Variants in DENND1A observed in about 807,000 individuals in gnomAD.
DENND1A encodes DENN domain containing 1A.
A neutral mutation model predicts 113.7 loss-of-function variants in DENND1A; 51 were observed. The observed-to-expected ratio is 0.45, with a 90% CI of 0.36 to 0.57. The LOEUF (loss-of-function observed/expected upper bound fraction) is 0.57. Among genes scored for constraint, DENND1A ranks in the 20% least tolerant of loss-of-function variants. The pLI is 0.00. For missense variants in DENND1A, 1,258 were observed against 1,395.9 expected (o/e 0.90, Z 1.57); for synonymous variants, 565 against 570.8 (o/e 0.99, Z 0.14).
chr9:123,807,002 AAG>A (rs535137852), intron 2 of DENND1A, among the ~76,000 whole-genome samples: 41 of 152,252 alleles, frequency 2.7e-4, no homozygotes, highest in Non-Finnish European at 4.6e-4. Context: ...CAAAAATTGA[AAG>A]AGTGTTAATA....
At chr9:123,426,076 A>C (rs1398637684) in intron 19 of DENND1A, among the ~76,000 whole-genome samples, 1 of 152,210 alleles carries the variant, frequency 6.6e-6, no homozygotes, top group Non-Finnish European at 1.5e-5. Flanking sequence ...GGAGGATGGC[A>C]GGGAGCTCCA....
intron 13 of DENND1A, among the ~76,000 whole-genome samples, chr9:123,519,372 C>T (rs1033840732): frequency 1.3e-5 from 2 of 152,196 alleles, no homozygotes; most frequent in Admixed American, 6.5e-5. Context: ...TCATGCCTCC[C>T]TCCTCCTCCA....
chr9:123,395,813 C>A (rs144181048), intron 21 of DENND1A, among the ~76,000 whole-genome samples: 2,649 of 152,236 alleles, frequency 0.017, 82 homozygotes, highest in African/African-American at 0.059. Context: ...TTACCGGACG[C>A]CCCTACCCCG....
chr9:123,440,840 T>A (rs146683520), intron 18 of DENND1A, among the ~76,000 whole-genome samples: 3 of 152,258 alleles, frequency 2.0e-5, no homozygotes, highest in African/African-American at 7.2e-5. Flanking sequence ...AGCTCATGCA[T>A]AATTTTATAT....
intron 5 of DENND1A, among the ~76,000 whole-genome samples, chr9:123,709,874 T>C (rs975312771): frequency 2.6e-5 from 4 of 152,194 alleles, no homozygotes; most frequent in Non-Finnish European, 5.9e-5. Context: ...AAGAGGGGTA[T>C]TGGAAAGGAA....
At chr9:123,765,360 A>C (rs550717575) in intron 4 of DENND1A, among the ~76,000 whole-genome samples, 2 of 152,290 alleles carry the variant, frequency 1.3e-5, no homozygotes, top group African/African-American at 4.8e-5. Flanking sequence ...GATAATGGTA[A>C]CCTTACAAAT....
intron 10 of DENND1A, among the ~76,000 whole-genome samples, chr9:123,618,400 G>A (rs2060763939): frequency 1.3e-5 from 2 of 152,220 alleles, no homozygotes; most frequent in Admixed American, 6.5e-5. Context: ...TGAGGAATGT[G>A]TCACTCACGT....
At chr9:123,412,961 A>ACT (rs2044430579) in intron 19 of DENND1A, among the ~76,000 whole-genome samples, 1 of 152,216 alleles carries the variant, frequency 6.6e-6, no homozygotes, top group African/African-American at 2.4e-5. Flanking sequence ...AGGTGGGCGG[A>ACT]CCACCTGAGG....
chr9:123,834,411 A>G (rs1840744601), intron 2 of DENND1A, among the ~76,000 whole-genome samples: 1 of 152,232 alleles, frequency 6.6e-6, no homozygotes, highest in Admixed American at 6.5e-5. Context: ...ATTGAGGCTT[A>G]GAGACATCAA....
At chr9:123,829,650 C>T (rs1416568172) in intron 2 of DENND1A, among the ~76,000 whole-genome samples, 1 of 151,470 alleles carries the variant, frequency 6.6e-6, no homozygotes, top group East Asian at 1.9e-4. Context: ...GAAACAGGTA[C>T]AAAAAAAGAA....
chr9:123,886,187 GT>G (rs572500526), intron 1 of DENND1A, among the ~76,000 whole-genome samples: 9 of 147,096 alleles, frequency 6.1e-5, no homozygotes, highest in East Asian at 6.0e-4. Context: ...TTTTTGTTTT[GT>G]TTTTTTTTTC....
At chr9:123,522,082 T>C (rs200159096) in intron 13 of DENND1A, among the ~76,000 whole-genome samples, 1 of 152,186 alleles carries the variant, frequency 6.6e-6, no homozygotes, top group African/African-American at 2.4e-5. Context: ...AATGGTATGG[T>C]TGGCTTTAAA....
Position 123,600,043 on chromosome 9 carries a change from T to TCCC in DENND1A, c.765+9390_765+9392dup, listed in dbSNP as rs1168996945. Among the ~76,000 whole-genome samples, 4 of 152,234 alleles carry TCCC rather than the reference T, an allele frequency of 2.6e-5. No individual in the cohort carries two copies. The East Asian group carries it at 7.7e-4, about 29-fold the overall frequency. On this transcript the variant is annotated intron_variant, in intron 11 of 23. Transcript: ENST00000394215. Reference sequence around the variant, plus strand: ...ATCATCACACTGCTGGTCTCTGAGCTCCCACAATGGCCCCGCCCCTAATCA... The same window carrying TCCC: ...ATCATCACACTGCTGGTCTCTGAGCTCCCCCCACAATGGCCCCGCCCCTAATCA...
intron 7 of DENND1A, among the ~76,000 whole-genome samples, 167 bp from the exon 8 acceptor site, chr9:123,667,246 A>G (rs1486312859): frequency 6.6e-6 from 1 of 152,202 alleles, no homozygotes; most frequent in African/African-American, 2.4e-5. Flanking sequence ...GTCAGATTGA[A>G]CCAGATGCAT....
At chr9:123,556,165 A>G (rs948870013) in intron 13 of DENND1A, among the ~76,000 whole-genome samples, 2 of 152,252 alleles carry the variant, frequency 1.3e-5, no homozygotes, top group East Asian at 3.8e-4. Context: ...AATATGTCTC[A>G]GGAAGCAAAA....
intron 13 of DENND1A, among the ~76,000 whole-genome samples, chr9:123,550,795 T>C (rs1264591063): frequency 6.6e-6 from 1 of 152,198 alleles, no homozygotes; most frequent in South Asian, 2.1e-4. Context: ...TCAAGGCAAA[T>C]TTTAGAACCA....
intron 13 of DENND1A, among the ~76,000 whole-genome samples, chr9:123,531,521 T>C (rs191478672): frequency 1.2e-3 from 171 of 148,162 alleles, no homozygotes; most frequent in African/African-American, 4.2e-3. Flanking sequence ...GTTTACCACA[T>C]TGGCTTTATC....
At chr9:123,754,785 A>G (rs541442346) in intron 5 of DENND1A, among the ~76,000 whole-genome samples, 1 of 152,364 alleles carries the variant, frequency 6.6e-6, no homozygotes, top group South Asian at 2.1e-4. Context: ...GAAAGCACGA[A>G]GACTATTCAA....
chr9:123,607,245 A>T (rs778715585), intron 11 of DENND1A, among the ~76,000 whole-genome samples: 63 of 151,878 alleles, frequency 4.1e-4, no homozygotes, highest in Non-Finnish European at 7.8e-4. Flanking sequence ...TTATCAAATG[A>T]ATAAGGCTTT....
Sources: allele counts gnomAD v4.1 joint callset (sites outside exome capture counted in the v4.1 genomes callset), GRCh38; gene constraint gnomAD v4.1.1; transcripts MANE v1.5; gene names NCBI Gene and HGNC (gene_info 2026-07-23, HGNC 2026-07-21).